The following DCAF6 variants were observed in gnomAD, a reference collection of about 807,000 sequenced individuals.
DCAF6 encodes DDB1 and CUL4 associated factor 6, also known as DDB1- and CUL4-associated factor 6.
A neutral mutation model predicts 125.1 loss-of-function variants in DCAF6; 54 were observed. The ratio of observed to expected loss-of-function variants is 0.43; its 90% CI spans 0.35 to 0.54. The LOEUF (loss-of-function observed/expected upper bound fraction) is 0.54, where lower values mean the gene tolerates loss of function less well. Among genes scored for constraint, DCAF6 ranks in the 20% least tolerant of loss-of-function variants. The probability of loss-of-function intolerance (pLI) is 0.01; values close to 1 mark genes in which losing one functional copy is unlikely to be tolerated. For missense variants in DCAF6, 934 were observed against 1,161.7 expected, an observed-to-expected ratio of 0.80 and a Z score of 2.85; for synonymous variants, 371 against 390.4, an observed-to-expected ratio of 0.95 and a Z score of 0.58.
At chr1:167,935,977 G>A (rs1393775735), upstream of DCAF6, 4 of 685,362 alleles carry the variant, frequency 5.8e-6, no homozygotes, top group East Asian at 8.2e-5. Flanking sequence ...CCCTTCCCGC[G>A]GCTTTCCCTG....
intron 2 of DCAF6, among the ~76,000 whole-genome samples, chr1:167,958,323 G>A (rs1288836990): frequency 6.6e-6 from 1 of 151,302 alleles, no homozygotes; most frequent in Non-Finnish European, 1.5e-5. Flanking sequence ...GTATAAAGTA[G>A]GGGTCCAAGG....
chr1:167,875,315 C>T, the DCAF6 span: 13 of 926,188 alleles, frequency 1.4e-5, no homozygotes, highest in Middle Eastern at 6.4e-4. Flanking sequence ...CCCTGACTCA[C>T]GGGTCGCAAA....
intron 5 of DCAF6, 63 bp downstream of exon 5, chr1:167,987,671 ATAAT>A (rs1452653072): frequency 9.7e-6 from 8 of 826,602 alleles, no homozygotes; most frequent in South Asian, 4.8e-5. Context: ...AAAATTGGTT[ATAAT>A]TAAAGTTATA....
At chr1:167,940,236 A>G (rs1171465250) in intron 1 of DCAF6, among the ~76,000 whole-genome samples, 3 of 152,272 alleles carry the variant, frequency 2.0e-5, no homozygotes, top group African/African-American at 7.2e-5. Flanking sequence ...AGATATGTTT[A>G]CTTAGAGCTC....
Position 168,029,831 on chromosome 1 carries a change from T to G in DCAF6, c.1609+6784T>G, listed in dbSNP as rs925389176. On this transcript the variant is annotated intron_variant, in intron 12 of 21. Transcript: ENST00000367840. The stretch of plus-strand genomic sequence containing the variant: ...CCGTCTCTATGAAAAACACAAAAAA[T>G]TAGCCAGCTGTGGTGGCGGGCACCT... Among the ~76,000 whole-genome samples, 5 of 151,958 alleles carry G rather than the reference T, an allele frequency of 3.3e-5. No homozygotes were observed. In the South Asian group the frequency reaches 1.0e-3, roughly 32 times the overall value.
the DCAF6 span, chr1:167,905,155 T>C: frequency 1.9e-6 from 3 of 1,614,230 alleles, no homozygotes; most frequent in Non-Finnish European, 2.5e-6. Flanking sequence ...AAGACAAATG[T>C]TCAGGATTTT....
At chr1:168,063,516 G>A (rs957239693) in intron 17 of DCAF6, 105 bp from the exon 18 acceptor site, 1 of 971,430 alleles carries the variant, frequency 1.0e-6, no homozygotes, top group Non-Finnish European at 1.4e-6. Flanking sequence ...TATTGAGATA[G>A]TGTGTTTATG....
At position 167,974,823 on chromosome 1, in the gene DCAF6, G is replaced by A. The variant is rs1226654146; in HGVS notation, c.253-7G>A. The A allele has an allele frequency of 1.3e-6, 2 of 1,512,600 alleles. No homozygotes were observed. Among genetic ancestry groups the A allele is most frequent in the Admixed American group, 2.2e-5 (1 of 45,936 alleles). The allele number at this position is 1,512,600 out of a possible 1,614,324, so 93.7% of individuals were successfully genotyped here. On this transcript the variant is annotated splice_region_variant and splice_polypyrimidine_tract_variant and intron_variant, in intron 3 of 21. Coordinates refer to ENST00000367840, the MANE Select transcript of DCAF6 (RefSeq NM_001198956.2). Reference sequence around the variant, plus strand: ...TTACCATTAACTGCTTTCTTTGTGTGTTTTAGGTTTTGACAACAATTCGTT... The same window carrying A: ...TTACCATTAACTGCTTTCTTTGTGTATTTTAGGTTTTGACAACAATTCGTT...
At chr1:167,901,913 C>G in the DCAF6 span, 3 of 1,607,118 alleles carry the variant, frequency 1.9e-6, no homozygotes, top group Non-Finnish European at 2.6e-6. Context: ...AGCCTATCTC[C>G]TGGCCACTCC....
the DCAF6 span, among the ~76,000 whole-genome samples, chr1:167,911,555 TAGCCGATCGGGAC>T: frequency 1.3e-5 from 2 of 152,232 alleles, no homozygotes; most frequent in East Asian, 3.8e-4. Flanking sequence ...TCTAAGTTGC[TAGCCGATCGGGAC>T]AAATACAGAA....
chr1:168,051,429 A>G (rs780853672), intron 17 of DCAF6, among the ~76,000 whole-genome samples: 2 of 152,220 alleles, frequency 1.3e-5, no homozygotes, highest in Non-Finnish European at 2.9e-5. Flanking sequence ...ATAGTGTCAC[A>G]TATCAAGATG....
intron 4 of DCAF6, among the ~76,000 whole-genome samples, chr1:167,982,250 CT>C (rs564606655): frequency 8.7e-5 from 13 of 148,920 alleles, no homozygotes; most frequent in Admixed American, 1.3e-4. Context: ...TTTTTAAGTT[CT>C]TTTTTTTTTG....
chr1:167,880,271 T>C, the DCAF6 span: 10 of 1,291,096 alleles, frequency 7.7e-6, no homozygotes, highest in Non-Finnish European at 3.3e-6. Flanking sequence ...TGGGAAATAA[T>C]GTCTGGGTTG....
intron 21 of DCAF6, among the ~76,000 whole-genome samples, chr1:168,070,864 G>A (rs888717799): frequency 9.9e-5 from 15 of 152,150 alleles, no homozygotes; most frequent in Non-Finnish European, 1.6e-4. Context: ...GCCCACACAT[G>A]TTCTTAGGGT....
chr1:167,951,899 A>G, intron 2 of DCAF6, 38 bp downstream of exon 2: 1 of 1,401,658 alleles, frequency 7.1e-7, no homozygotes, highest in Non-Finnish European at 1.0e-6. Flanking sequence ...AAGGGATTTG[A>G]TACTAAGTGT....
At chr1:167,954,718 C>G (rs1377036328) in intron 2 of DCAF6, among the ~76,000 whole-genome samples, 3 of 152,158 alleles carry the variant, frequency 2.0e-5, no homozygotes, top group South Asian at 2.1e-4. Flanking sequence ...TCCCAAAGTG[C>G]TGGGATTACA....
intron 2 of DCAF6, among the ~76,000 whole-genome samples, chr1:167,955,024 A>T (rs1295980791): frequency 6.6e-6 from 1 of 152,208 alleles, no homozygotes; most frequent in Non-Finnish European, 1.5e-5. Flanking sequence ...TTGACTATGT[A>T]TCCTTTTTTC....
chr1:167,928,556 C>G, the DCAF6 span, among the ~76,000 whole-genome samples: 1 of 152,086 alleles, frequency 6.6e-6, no homozygotes, highest in Non-Finnish European at 1.5e-5. Context: ...AAAAAACATT[C>G]CAACTTACTT....
At chr1:167,873,042 C>T in the DCAF6 span, among the ~76,000 whole-genome samples, 1 of 152,014 alleles carries the variant, frequency 6.6e-6, no homozygotes. Flanking sequence ...TGCACTCCAG[C>T]CTGGGCGACA....
Sources: allele counts gnomAD v4.1 joint callset (sites outside exome capture counted in the v4.1 genomes callset), GRCh38; gene constraint gnomAD v4.1.1; transcripts MANE v1.5; gene names NCBI Gene and HGNC (gene_info 2026-07-23, HGNC 2026-07-21).